The following PDE4D variants were observed in gnomAD, a reference collection of about 807,000 sequenced individuals.
PDE4D encodes 3',5'-cyclic-AMP phosphodiesterase 4D.
PDE4D carries 24 observed loss-of-function variants against 87.4 expected under a neutral mutation model. The observed-to-expected ratio is 0.27, with a 90% CI of 0.20 to 0.39. The LOEUF is 0.39. PDE4D is among the 10% of genes least tolerant of loss of function. The pLI is 1.00. For missense variants in PDE4D, 714 were observed against 1,041.0 expected (o/e 0.69, Z 4.32); for synonymous variants, 384 against 383.2 (o/e 1.00, Z -0.02).
In PDE4D at chr5:60,206,771, G is replaced by A. The variant is rs539186853; in HGVS notation, c.-89-21084C>T. ...ATACCTATACAGGATGAAAAGCCAA[G>A]TATTTGTAGGGCATCTCTTAATAAA... On this transcript the variant is annotated intron_variant, in intron 1 of 16. Transcript: ENST00000502484. 1.1e-4 allele frequency among the ~76,000 whole-genome samples: 17 copies of A among 152,342 alleles called. No individual in the cohort carries two copies. In the East Asian group the frequency reaches 2.7e-3, roughly 24 times the overall value.
chr5:59,236,269 C>T (rs1249882177), intron 1 of PDE4D, among the ~76,000 whole-genome samples: 1 of 152,128 alleles, frequency 6.6e-6, no homozygotes, highest in Non-Finnish European at 1.5e-5. Context: ...AATTGGGAGC[C>T]TTGAGTTTGA....
intron 1 of PDE4D, among the ~76,000 whole-genome samples, chr5:60,479,587 G>C (rs925657697): frequency 6.6e-5 from 10 of 152,194 alleles, no homozygotes; most frequent in African/African-American, 2.4e-4. Flanking sequence ...CTCTAGAACA[G>C]AGTTTGGTAA....
At chr5:60,120,714 C>T (rs1372971770) in intron 2 of PDE4D, among the ~76,000 whole-genome samples, 1 of 152,100 alleles carries the variant, frequency 6.6e-6, no homozygotes, top group Non-Finnish European at 1.5e-5. Context: ...AGTTTATACT[C>T]CCACATCTTC....
At chr5:60,177,938 G>A (rs1419866016) in intron 2 of PDE4D, among the ~76,000 whole-genome samples, 1 of 152,012 alleles carries the variant, frequency 6.6e-6, no homozygotes, top group African/African-American at 2.4e-5. Flanking sequence ...TAACATATAT[G>A]TTCATCTTCC....
chr5:59,382,119 G>C (rs244590), intron 1 of PDE4D, among the ~76,000 whole-genome samples: 36,692 of 151,820 alleles, frequency 0.24, 4,853 homozygotes, highest in East Asian at 0.39. Context: ...CCCTGACACA[G>C]ACCCCGCACT....
chr5:60,486,736 T>C (rs1314862657), intron 1 of PDE4D, among the ~76,000 whole-genome samples: 1 of 152,232 alleles, frequency 6.6e-6, no homozygotes, highest in Non-Finnish European at 1.5e-5. Flanking sequence ...AAAGTTTATA[T>C]TTGCCACAGG....
At chr5:60,325,737 T>C (rs540086730) in intron 1 of PDE4D, among the ~76,000 whole-genome samples, 6 of 152,248 alleles carry the variant, frequency 3.9e-5, no homozygotes, top group East Asian at 1.9e-4. Context: ...ATTGATATGG[T>C]CAAGATATAA....
chr5:60,224,682 G>A (rs995534501), intron 1 of PDE4D, among the ~76,000 whole-genome samples: 5 of 152,066 alleles, frequency 3.3e-5, no homozygotes, highest in African/African-American at 1.2e-4. Context: ...AGAAATCTAA[G>A]TGAAAGCTGC....
intron 2 of PDE4D, among the ~76,000 whole-genome samples, chr5:60,059,603 T>A (rs1471828849): frequency 1.3e-5 from 2 of 151,780 alleles, no homozygotes; most frequent in Non-Finnish European, 2.9e-5. Flanking sequence ...TATGACAGAC[T>A]GAGAGAGAGA....
At chr5:59,847,066 T>G (rs1184370816) in intron 1 of PDE4D, among the ~76,000 whole-genome samples, 1 of 151,932 alleles carries the variant, frequency 6.6e-6, no homozygotes, top group Non-Finnish European at 1.5e-5. Context: ...AACAGGAATA[T>G]GAACTCCATG....
At chr5:59,857,744 G>A (rs1745653267) in intron 1 of PDE4D, among the ~76,000 whole-genome samples, 1 of 151,972 alleles carries the variant, frequency 6.6e-6, no homozygotes, top group South Asian at 2.1e-4. Context: ...AGGAATACAG[G>A]TGAGGAAGAG....
Position 59,264,431 on chromosome 5 carries a change from G to A in PDE4D, c.456-48463C>T, listed in dbSNP as rs772595317. On this transcript the variant is annotated intron_variant, in intron 1 of 14. Coordinates refer to ENST00000340635, the MANE Select transcript of PDE4D (RefSeq NM_001104631.2). ...AACATAAAATTTCATTCCTATGTAC[G>A]TAAAATGATTTTTTCAGTTACACGA... Among the ~76,000 whole-genome samples, 56 of 152,072 alleles carry A rather than the reference G, an allele frequency of 3.7e-4. 1 individual carries two copies. Among genetic ancestry groups the A allele is most frequent in the Non-Finnish European group, 1.3e-4 (9 of 67,952 alleles).
chr5:59,880,325 G>C (rs1253116731), intron 1 of PDE4D, among the ~76,000 whole-genome samples: 1 of 152,018 alleles, frequency 6.6e-6, no homozygotes, highest in African/African-American at 2.4e-5. Context: ...GTCCAGGCTG[G>C]TCTGGAGATC....
chr5:59,404,000 C>G (rs904913125), intron 1 of PDE4D, among the ~76,000 whole-genome samples: 2 of 152,184 alleles, frequency 1.3e-5, no homozygotes, highest in Non-Finnish European at 2.9e-5. Context: ...GCCATTTTAA[C>G]TGGGGTGAGA....
chr5:59,620,363 A>G (rs1830205166), intron 1 of PDE4D, among the ~76,000 whole-genome samples: 1 of 152,212 alleles, frequency 6.6e-6, no homozygotes, highest in Non-Finnish European at 1.5e-5. Context: ...GAGGAGAACA[A>G]TGAAGGGTTA....
chr5:60,237,152 T>C (rs1421352286), intron 1 of PDE4D, among the ~76,000 whole-genome samples: 1 of 151,960 alleles, frequency 6.6e-6, no homozygotes, highest in Non-Finnish European at 1.5e-5. Flanking sequence ...AACAACAACA[T>C]ATGGCTGTAC....
intron 1 of PDE4D, among the ~76,000 whole-genome samples, chr5:60,257,717 A>C (rs1749238804): frequency 6.6e-6 from 1 of 151,958 alleles, no homozygotes; most frequent in Non-Finnish European, 1.5e-5. Context: ...CAAAATGGAC[A>C]TTTCTCTGTC....
intron 1 of PDE4D, among the ~76,000 whole-genome samples, chr5:60,202,627 G>A (rs1742049043): frequency 6.6e-6 from 1 of 151,878 alleles, no homozygotes; most frequent in Non-Finnish European, 1.5e-5. Context: ...TGTCCCAGTA[G>A]AGAGAGAGAA....
At chr5:59,337,324 C>G (rs1050269329) in intron 1 of PDE4D, among the ~76,000 whole-genome samples, 11 of 100,364 alleles carry the variant, frequency 1.1e-4, no homozygotes, top group African/African-American at 4.1e-4. Flanking sequence ...TTCATAAGTT[C>G]CCCCCCCCCC....
Sources: allele counts gnomAD v4.1 joint callset (sites outside exome capture counted in the v4.1 genomes callset), GRCh38; gene constraint gnomAD v4.1.1; transcripts MANE v1.5; gene names NCBI Gene and HGNC (gene_info 2026-07-23, HGNC 2026-07-21).